NRXN1: variants seen among roughly 807,000 people sequenced by gnomAD.
NRXN1 encodes neurexin 1.
Under a neutral mutation model 150.9 loss-of-function variants are expected in NRXN1, and 39 were observed. The observed-to-expected ratio is 0.26, with a 90% CI of 0.20 to 0.34. The LOEUF (loss-of-function observed/expected upper bound fraction) is 0.34, where lower values mean the gene tolerates loss of function less well. Among genes scored for constraint, NRXN1 ranks in the 10% least tolerant of loss-of-function variants. The pLI is 1.00. For missense variants in NRXN1, 1,815 were observed against 1,949.9 expected (o/e 0.93, Z 1.30); for synonymous variants, 924 against 757.0 (o/e 1.22, Z -3.62).
intron 9 of NRXN1, among the ~76,000 whole-genome samples, chr2:50,543,998 C>T (rs572362847): frequency 2.0e-5 from 3 of 152,162 alleles, no homozygotes; most frequent in South Asian, 4.1e-4. Context: ...TTCAATGTGG[C>T]TCTTATGAAA....
chr2:50,122,431 G>A (rs951391889), intron 18 of NRXN1, among the ~76,000 whole-genome samples: 1 of 152,170 alleles, frequency 6.6e-6, no homozygotes, highest in Non-Finnish European at 1.5e-5. Context: ...AAGCTGACTG[G>A]CCAGAAGCCC....
At chr2:50,395,660 A>C (rs2082007605) in intron 17 of NRXN1, among the ~76,000 whole-genome samples, 1 of 152,144 alleles carries the variant, frequency 6.6e-6, no homozygotes, top group Non-Finnish European at 1.5e-5. Flanking sequence ...GAACAACTTA[A>C]CTTATGCCAG....
intron 5 of NRXN1, 22 bp from the exon 6 acceptor site, chr2:50,623,637 A>G (rs763890606): frequency 1.3e-6 from 2 of 1,559,850 alleles, no homozygotes; most frequent in Non-Finnish European, 1.8e-6. Context: ...CAGATGATAC[A>G]TACATAAGTA....
rs70958635 is a variant in NRXN1 at position 50,981,457 on chromosome 2, C to CAAAAA, written c.772+46040_772+46044dup. 1.2e-3 allele frequency among the ~76,000 whole-genome samples: 27 copies of CAAAAA among 23,268 alleles called. 1 individual carries two copies. The highest frequency in any genetic ancestry group is 3.7e-3 in the African/African-American group (21 of 5,642). The allele number at this position is 23,268 out of a possible 152,430, so 15.3% of individuals were successfully genotyped here. Reference sequence around the variant, plus strand: ...TGGGTGACAGATAGAAACTCTATCTCAAAAAAAAAAAAAAAAAAAAAAAAA... The same window carrying CAAAAA: ...TGGGTGACAGATAGAAACTCTATCTCAAAAAAAAAAAAAAAAAAAAAAAAAAAAAA... On this transcript the variant is annotated intron_variant, in intron 2 of 22. Coordinates refer to ENST00000401669, the MANE Select transcript of NRXN1 (RefSeq NM_001330078.2).
chr2:49,928,764 A>G (rs1329437075), intron 22 of NRXN1, among the ~76,000 whole-genome samples: 2 of 152,208 alleles, frequency 1.3e-5, no homozygotes, highest in Non-Finnish European at 2.9e-5. Flanking sequence ...GGACACAATG[A>G]TTTATATGAC....
chr2:50,598,881 CCAAGTAGCTGGGATTA>C (rs1675767948), intron 8 of NRXN1, among the ~76,000 whole-genome samples: 1 of 151,698 alleles, frequency 6.6e-6, no homozygotes, highest in African/African-American at 2.4e-5. Context: ...CCTCAGCTGC[CCAAGTAGCTGGGATTA>C]CAAGTGCCCG....
At chr2:50,082,774 CCA>C (rs2152685960) in intron 19 of NRXN1, among the ~76,000 whole-genome samples, 1 of 152,166 alleles carries the variant, frequency 6.6e-6, no homozygotes, top group South Asian at 2.1e-4. Context: ...CCTATCCTCC[CCA>C]CACAGTTGCA....
intron 5 of NRXN1, among the ~76,000 whole-genome samples, chr2:50,809,610 C>T (rs1193097366): frequency 1.3e-5 from 2 of 152,018 alleles, no homozygotes; most frequent in African/African-American, 2.4e-5. Context: ...TATGCCGTCA[C>T]GCTCCAGAAA....
chr2:50,372,037 GA>G (rs1416714534), intron 17 of NRXN1, among the ~76,000 whole-genome samples: 1 of 151,984 alleles, frequency 6.6e-6, no homozygotes, highest in African/African-American at 2.4e-5. Flanking sequence ...TTGCAGCCAT[GA>G]GAAACAAAAT....
intron 18 of NRXN1, among the ~76,000 whole-genome samples, chr2:50,187,857 G>T (rs76530888): frequency 3.9e-5 from 6 of 152,088 alleles, no homozygotes; most frequent in African/African-American, 1.2e-4. Context: ...GTGAATGGGA[G>T]TTCACTCATG....
At chr2:50,035,871 A>G (rs1300093845) in intron 21 of NRXN1, among the ~76,000 whole-genome samples, 1 of 152,126 alleles carries the variant, frequency 6.6e-6, no homozygotes, top group Non-Finnish European at 1.5e-5. Context: ...GAATAATGGG[A>G]TCACTGACCA....
intron 18 of NRXN1, among the ~76,000 whole-genome samples, chr2:50,124,747 T>C (rs1298989464): frequency 1.3e-5 from 2 of 152,148 alleles, no homozygotes; most frequent in African/African-American, 4.8e-5. Flanking sequence ...TTTACACTAT[T>C]ATTTAAAAAT....
At chr2:50,783,625 T>G (rs1288896725) in intron 5 of NRXN1, among the ~76,000 whole-genome samples, 1 of 152,178 alleles carries the variant, frequency 6.6e-6, no homozygotes, top group Admixed American at 6.6e-5. Context: ...TTTTCCACAT[T>G]GTATCCACTA....
intron 21 of NRXN1, among the ~76,000 whole-genome samples, chr2:50,051,233 T>C (rs1692663522): frequency 6.6e-6 from 1 of 152,008 alleles, no homozygotes; most frequent in Non-Finnish European, 1.5e-5. Flanking sequence ...GAAACAGCTG[T>C]TTTGTACTTA....
intron 2 of NRXN1, among the ~76,000 whole-genome samples, chr2:51,011,923 A>C (rs574703665): frequency 6.6e-6 from 1 of 152,044 alleles, no homozygotes; most frequent in Admixed American, 6.6e-5. Context: ...GAGAGCCTAA[A>C]ATAGCATAAT....
chr2:50,560,861 A>G (rs6747272), intron 8 of NRXN1, among the ~76,000 whole-genome samples: 64,200 of 152,004 alleles, frequency 0.42, 15,740 homozygotes, highest in African/African-American at 0.68. Flanking sequence ...TATTTTCAAT[A>G]AAATATGTTA....
At chr2:50,289,838 CTG>C (rs2072687590) in intron 17 of NRXN1, among the ~76,000 whole-genome samples, 1 of 152,116 alleles carries the variant, frequency 6.6e-6, no homozygotes, top group Non-Finnish European at 1.5e-5. Context: ...AATATGATAT[CTG>C]TCCATTCCAT....
At chr2:50,906,475 C>T (rs1683688796) in intron 5 of NRXN1, among the ~76,000 whole-genome samples, 1 of 152,094 alleles carries the variant, frequency 6.6e-6, no homozygotes, top group Non-Finnish European at 1.5e-5. Context: ...TTATTTTTCA[C>T]CTCTGATGTT....
At chr2:50,480,057 G>A (rs1416366093) in intron 15 of NRXN1, among the ~76,000 whole-genome samples, 2 of 152,180 alleles carry the variant, frequency 1.3e-5, no homozygotes, top group African/African-American at 2.4e-5. Context: ...ACAGGCGTAA[G>A]CCACCATGCC....
Sources: gnomAD v4.1 joint callset for allele counts (sites outside exome capture counted in the v4.1 genomes callset) on GRCh38, gnomAD v4.1.1 for gene constraint, MANE v1.5 for transcripts, NCBI Gene and HGNC (gene_info 2026-07-23, HGNC 2026-07-21) for gene names.